Variants in ERBB4 observed in about 807,000 individuals in gnomAD.
ERBB4 encodes erb-b2 receptor tyrosine kinase 4, also known as receptor tyrosine-protein kinase erbB-4.
Under a neutral mutation model 158.0 loss-of-function variants are expected in ERBB4, and 42 were observed. The observed-to-expected ratio is 0.27, with a 90% CI of 0.21 to 0.34. The LOEUF is 0.34. Ranked by LOEUF, ERBB4 falls within the 10% of genes least tolerant of loss-of-function variation. ERBB4 has a pLI of 1.00. For synonymous variants in ERBB4, 583 were observed against 558.7 expected, an observed-to-expected ratio of 1.04 and a Z score of -0.61; for missense variants, 1,333 against 1,624.1, an observed-to-expected ratio of 0.82 and a Z score of 3.08.
At chr2:211,478,376 G>A (rs2065007180) in intron 20 of ERBB4, among the ~76,000 whole-genome samples, 1 of 152,132 alleles carries the variant, frequency 6.6e-6, no homozygotes, top group Non-Finnish European at 1.5e-5. Flanking sequence ...AGACAAATCT[G>A]CGTTTCCAGA....
chr2:211,776,749 G>A (rs1037295953), intron 4 of ERBB4, among the ~76,000 whole-genome samples: 1 of 152,134 alleles, frequency 6.6e-6, no homozygotes, highest in African/African-American at 2.4e-5. Flanking sequence ...TGGCTGAGAG[G>A]ATGACTCATA....
At chr2:211,772,632 T>C (rs1040805885) in intron 4 of ERBB4, among the ~76,000 whole-genome samples, 1 of 150,738 alleles carries the variant, frequency 6.6e-6, no homozygotes, top group Non-Finnish European at 1.5e-5. Context: ...AACAAAATTA[T>C]GTTGATAACT....
intron 2 of ERBB4, among the ~76,000 whole-genome samples, chr2:212,018,470 A>G (rs781624768): frequency 6.6e-6 from 1 of 152,222 alleles, no homozygotes; most frequent in Non-Finnish European, 1.5e-5. Context: ...GTATTTGGAA[A>G]TAAACCAGCA....
rs563188181 is a variant in ERBB4, at chr2:211,554,109, G to A, written c.2487+7794C>T. 1.8e-4 allele frequency among the ~76,000 whole-genome samples: 28 copies of A among 152,258 alleles called. No homozygotes were observed. In the South Asian group the frequency reaches 3.7e-3, roughly 20 times the overall value. ...TGCTCCCCTTCAGTCCTCTAATTCC[G>A]GAGTGCCGTTGAAGAAGAGCAGGTC... is the stretch of plus-strand genomic sequence containing the variant. On this transcript the variant is annotated intron_variant, in intron 20 of 27. Transcript: ENST00000342788.
At chr2:212,448,846 T>A (rs1477179527) in intron 1 of ERBB4, among the ~76,000 whole-genome samples, 2 of 152,200 alleles carry the variant, frequency 1.3e-5, no homozygotes, top group Non-Finnish European at 2.9e-5. Context: ...GCTGTTAAGC[T>A]CTTTGCTGGA....
intron 19 of ERBB4, among the ~76,000 whole-genome samples, chr2:211,580,033 G>C (rs2125766683): frequency 6.6e-6 from 1 of 152,274 alleles, no homozygotes; most frequent in African/African-American, 2.4e-5. Flanking sequence ...GACTAAACCA[G>C]AAACGTGAAT....
chr2:212,299,902 C>T (rs1480193555), intron 1 of ERBB4, among the ~76,000 whole-genome samples: 1 of 151,582 alleles, frequency 6.6e-6, no homozygotes, highest in Non-Finnish European at 1.5e-5. Flanking sequence ...GACATTTTAA[C>T]TACCCTGTCC....
At chr2:212,451,665 G>A (rs1256352661) in intron 1 of ERBB4, among the ~76,000 whole-genome samples, 3 of 152,020 alleles carry the variant, frequency 2.0e-5, no homozygotes, top group African/African-American at 7.2e-5. Context: ...ATAAATTATA[G>A]CAAAACTAGA....
chr2:211,484,812 C>A (rs1034305694), intron 20 of ERBB4, among the ~76,000 whole-genome samples: 4 of 152,044 alleles, frequency 2.6e-5, no homozygotes, highest in African/African-American at 9.7e-5. Flanking sequence ...GAAAGAAAAC[C>A]AGCACAGATA....
chr2:212,124,171 T>G (rs550595226), intron 2 of ERBB4, among the ~76,000 whole-genome samples: 2 of 152,324 alleles, frequency 1.3e-5, no homozygotes, highest in East Asian at 3.9e-4. Flanking sequence ...CCAAAAGGAC[T>G]GATTGTCTGA....
chr2:212,411,183 T>C (rs989258260), intron 1 of ERBB4, among the ~76,000 whole-genome samples: 13 of 152,156 alleles, frequency 8.5e-5, no homozygotes, highest in African/African-American at 2.6e-4. Context: ...ATAAATTAAT[T>C]GATCAGATAT....
intron 4 of ERBB4, among the ~76,000 whole-genome samples, chr2:211,756,281 T>C (rs1371020230): frequency 2.0e-5 from 3 of 152,164 alleles, no homozygotes; most frequent in Non-Finnish European, 4.4e-5. Flanking sequence ...CTCTGCAGTT[T>C]AGTTTTGCTT....
At chr2:212,266,719 C>T (rs2085150133) in intron 1 of ERBB4, among the ~76,000 whole-genome samples, 1 of 151,986 alleles carries the variant, frequency 6.6e-6, no homozygotes, top group South Asian at 2.1e-4. Flanking sequence ...ACTATTTCTT[C>T]AGGCTGACAA....
chr2:211,713,686 T>C (rs1224437419), intron 7 of ERBB4, 38 bp from the exon 8 acceptor site: 3 of 1,228,922 alleles, frequency 2.4e-6, no homozygotes, highest in Non-Finnish European at 2.4e-6. Flanking sequence ...TAAGCATTAA[T>C]GTTAACATTC....
At chr2:211,633,755 T>A (rs2070240132) in intron 16 of ERBB4, among the ~76,000 whole-genome samples, 1 of 150,558 alleles carries the variant, frequency 6.6e-6, no homozygotes, top group Non-Finnish European at 1.5e-5. Flanking sequence ...GATAGACATA[T>A]AGGAACCTCT....
intron 2 of ERBB4, among the ~76,000 whole-genome samples, chr2:212,032,321 G>C (rs2076922077): frequency 6.6e-6 from 1 of 152,054 alleles, no homozygotes; most frequent in Non-Finnish European, 1.5e-5. Flanking sequence ...TCAAATGTAT[G>C]TGTCAAGTTA....
chr2:212,106,410 T>A (rs112781234), intron 2 of ERBB4, among the ~76,000 whole-genome samples: 2 of 152,322 alleles, frequency 1.3e-5, no homozygotes, highest in Admixed American at 6.5e-5. Context: ...TTGAGAGAGA[T>A]AATTTAGGGT....
At chr2:212,074,228 T>C (rs899573075) in intron 2 of ERBB4, among the ~76,000 whole-genome samples, 2 of 151,918 alleles carry the variant, frequency 1.3e-5, no homozygotes, top group African/African-American at 4.8e-5. Flanking sequence ...CTAGAAACAA[T>C]AAAAATGATG....
At chr2:211,916,485 A>G (rs2079695495) in intron 3 of ERBB4, among the ~76,000 whole-genome samples, 1 of 152,122 alleles carries the variant, frequency 6.6e-6, no homozygotes, top group African/African-American at 2.4e-5. Context: ...ATTTCTAAGT[A>G]GTGAGATTCA....
Sources: gnomAD v4.1 joint callset for allele counts (sites outside exome capture counted in the v4.1 genomes callset) on GRCh38, gnomAD v4.1.1 for gene constraint, MANE v1.5 for transcripts, NCBI Gene and HGNC (gene_info 2026-07-23, HGNC 2026-07-21) for gene names.